The following GXYLT1 variants were observed in gnomAD, a reference collection of about 807,000 sequenced individuals.
The protein encoded by GXYLT1 is glycosyltransferase 8 domain containing 3.
Under a neutral mutation model 54.0 loss-of-function variants are expected in GXYLT1, and 29 were observed. That is an observed-to-expected ratio of 0.54 (90% confidence interval 0.40 to 0.73). The LOEUF (loss-of-function observed/expected upper bound fraction) is 0.73. Ranked by LOEUF, GXYLT1 falls within the 30% of genes least tolerant of loss-of-function variation. The probability of loss-of-function intolerance (pLI) is 0.00; values close to 1 mark genes in which losing one functional copy is unlikely to be tolerated. For missense variants in GXYLT1, 490 were observed against 553.4 expected, an observed-to-expected ratio of 0.89 and a Z score of 1.15; for synonymous variants, 176 against 204.1, an observed-to-expected ratio of 0.86 and a Z score of 1.17.
intron 3 of GXYLT1, among the ~76,000 whole-genome samples, chr12:42,115,379 A>G (rs1592114970): frequency 6.6e-6 from 1 of 152,100 alleles, no homozygotes; most frequent in African/African-American, 2.4e-5. Flanking sequence ...TATCTAGAAA[A>G]CCCCATCATT....
At chr12:42,116,076 T>C (rs957659441) in intron 3 of GXYLT1, among the ~76,000 whole-genome samples, 2 of 152,014 alleles carry the variant, frequency 1.3e-5, no homozygotes, top group African/African-American at 4.8e-5. Flanking sequence ...TGGCTAGCCA[T>C]ACGTAGAAAG....
At chr12:42,097,269 T>C (rs532410734) in intron 7 of GXYLT1, among the ~76,000 whole-genome samples, 173 bp downstream of exon 7, 36 of 151,984 alleles carry the variant, frequency 2.4e-4, no homozygotes, top group African/African-American at 8.2e-4. Flanking sequence ...TACATTGTTT[T>C]CAGGAAAAAA....
chr12:42,118,927 T>C (rs2065512953), intron 3 of GXYLT1, 73 bp downstream of exon 3: 1 of 1,142,214 alleles, frequency 8.8e-7, no homozygotes, highest in South Asian at 1.6e-5. Flanking sequence ...AACAGACTAT[T>C]ACAACAACAT....
Position 42,086,832 on chromosome 12 carries a change from C to T in GXYLT1, c.*954G>A, listed in dbSNP as rs1471932952. The T allele has an allele frequency of 6.6e-6, 1 of 152,034 alleles. No individual in the cohort carries two copies. Among genetic ancestry groups the T allele is most frequent in the Non-Finnish European group, 1.5e-5 (1 of 67,980 alleles). 9.4% of individuals were successfully genotyped at this position (152,034 alleles called of 1,614,324 possible). A position where few individuals can be genotyped will look rare whatever the true frequency, so the allele number is the denominator to read the frequency against. ...GAGGTAGAAGACAAGTTTAAATGGA[C>T]CATATTTTTCTACTCCATTGTAACT... On this transcript the variant is annotated 3_prime_UTR_variant, in exon 8 of 8. Coordinates refer to ENST00000398675, the MANE Select transcript of GXYLT1 (RefSeq NM_173601.2).
At chr12:42,094,884 A>T (rs2065347261) in intron 7 of GXYLT1, among the ~76,000 whole-genome samples, 1 of 152,198 alleles carries the variant, frequency 6.6e-6, no homozygotes, top group Non-Finnish European at 1.5e-5. Context: ...ACAATTCTGC[A>T]AACATGCTAA....
chr12:42,109,398 G>A (rs2065438622), intron 4 of GXYLT1, among the ~76,000 whole-genome samples, 168 bp downstream of exon 4: 1 of 151,806 alleles, frequency 6.6e-6, no homozygotes, highest in Non-Finnish European at 1.5e-5. Flanking sequence ...TTGTTCCACA[G>A]GAATATTTTT....
Position 42,104,542 on chromosome 12 carries a change from C to A in GXYLT1, c.864+1276G>T, listed in dbSNP as rs530702246. On this transcript the variant is annotated intron_variant, in intron 5 of 7. Transcript: ENST00000398675. ...TTTAAATCAGAATTTTAAAAAGATT[C>A]AGAAAAGGGAAAGCTAAAAAAAAAA... 1.2e-3 allele frequency among the ~76,000 whole-genome samples: 147 copies of A among 125,164 alleles called. 1 individual carries two copies. Among genetic ancestry groups the A allele is most frequent in the Non-Finnish European group, 1.9e-3 (115 of 61,042 alleles). The allele number at this position is 125,164 out of a possible 152,430, so 82.1% of individuals were successfully genotyped here. A position where few individuals can be genotyped will look rare whatever the true frequency, so the allele number is the denominator to read the frequency against.
chr12:42,135,821 T>C (rs982866100), intron 1 of GXYLT1, among the ~76,000 whole-genome samples: 6 of 152,206 alleles, frequency 3.9e-5, no homozygotes, highest in African/African-American at 1.4e-4. Context: ...GAGTTACTGT[T>C]ACTGGATACA....
At position 42,144,667 on chromosome 12, in the gene GXYLT1, T is replaced by C. The variant is rs539272285; in HGVS notation, c.-21A>G. ...CGCATCGCCCCGGCCGCGCTCCTCCTTCGCCGCCGCCGCCGCGCCCGCCCC... is the reference window on the plus strand; with the variant it reads ...CGCATCGCCCCGGCCGCGCTCCTCCCTCGCCGCCGCCGCCGCGCCCGCCCC... On this transcript the variant is annotated 5_prime_UTR_variant, in exon 1 of 8. Transcript: ENST00000398675. 29 of 1,187,354 alleles carry C rather than the reference T, an allele frequency of 2.4e-5. No individual in the cohort carries two copies. In the African/African-American group the frequency reaches 4.1e-4, roughly 17 times the overall value. 73.6% of individuals were successfully genotyped at this position (1,187,354 alleles called of 1,614,324 possible).
Position 42,097,602 on chromosome 12 carries a change from A to C in GXYLT1, c.1001T>G (p.Val334Gly). The C allele has an allele frequency of 6.2e-7, 1 of 1,607,274 alleles. No individual in the cohort carries two copies. The highest frequency in any genetic ancestry group is 8.5e-7 in the Non-Finnish European group (1 of 1,178,240). The change falls in exon 7 of 8, where the codon GTT (valine) becomes GGT (glycine). Residue 334 changes from valine to glycine, a missense_variant. Physicochemically the swap from Val to Gly is moderately radical, Grantham distance 109 (BLOSUM62 -3). Transcript: ENST00000398675. ...VFFHNPESLF[V>G]FPCQWNYRPD... is the part of the protein sequence containing the mutation. ...TCGATAATTCCATTGACACGGAAAAACAAAAAGGCTTTCTACATAAAGAAA... is the reference window on the plus strand; with the variant it reads ...TCGATAATTCCATTGACACGGAAAACCAAAAAGGCTTTCTACATAAAGAAA...
Position 42,085,172 on chromosome 12 carries a change from C to G in GXYLT1, c.*2614G>C, listed in dbSNP as rs1003937646. On this transcript the variant is annotated 3_prime_UTR_variant, in exon 8 of 8. Transcript: ENST00000398675. ...AATTATTATACATATTTTGTGATAC[C>G]TTTAATTTTAGGTAGAAACAGTACC... The G allele has an allele frequency of 8.9e-6, 1 of 111,950 alleles. No individual in the cohort carries two copies. The highest frequency in any genetic ancestry group is 3.3e-5 in the African/African-American group (1 of 30,240). The allele number at this position is 111,950 out of a possible 1,614,324, so 6.9% of individuals were successfully genotyped here.
At chr12:42,131,059 T>C (rs1434823804) in intron 1 of GXYLT1, among the ~76,000 whole-genome samples, 1 of 152,188 alleles carries the variant, frequency 6.6e-6, no homozygotes, top group Non-Finnish European at 1.5e-5. Context: ...CTCAGTTCCA[T>C]ATTATACAAG....
intron 3 of GXYLT1, among the ~76,000 whole-genome samples, chr12:42,111,993 C>T (rs773851582): frequency 6.6e-6 from 1 of 152,216 alleles, no homozygotes; most frequent in Non-Finnish European, 1.5e-5. Flanking sequence ...ATCTGCTGTT[C>T]TGCAGCCACT....
intron 6 of GXYLT1, 77 bp downstream of exon 6, chr12:42,097,833 T>A (rs1343947077): frequency 8.8e-7 from 1 of 1,138,898 alleles, no homozygotes; most frequent in African/African-American, 1.6e-5. Flanking sequence ...CAGAATCAGA[T>A]AAGTGCATGT....
At chr12:42,123,258 T>A (rs984092285) in intron 2 of GXYLT1, among the ~76,000 whole-genome samples, 1 of 152,164 alleles carries the variant, frequency 6.6e-6, no homozygotes, top group Non-Finnish European at 1.5e-5. Flanking sequence ...GTTAAATAAC[T>A]TAAAGTGACA....
intron 5 of GXYLT1, 26 bp from the exon 6 acceptor site, chr12:42,098,059 C>T: frequency 1.2e-6 from 2 of 1,603,422 alleles, no homozygotes; most frequent in Non-Finnish European, 1.7e-6. Flanking sequence ...TTCAAAAGAG[C>T]TTCAGACTTT....
intron 1 of GXYLT1, among the ~76,000 whole-genome samples, chr12:42,130,551 A>T (rs2065588096): frequency 6.6e-6 from 1 of 152,204 alleles, no homozygotes. Context: ...TCACTATAAA[A>T]AAAAACAGTA....
chr12:42,116,161 T>A (rs2065493444), intron 3 of GXYLT1, among the ~76,000 whole-genome samples: 1 of 151,850 alleles, frequency 6.6e-6, no homozygotes, highest in East Asian at 1.9e-4. Flanking sequence ...ATGTTAGACC[T>A]AAAACCATAA....
At chr12:42,093,676 A>C (rs1193679284) in intron 7 of GXYLT1, among the ~76,000 whole-genome samples, 1 of 151,962 alleles carries the variant, frequency 6.6e-6, no homozygotes, top group Non-Finnish European at 1.5e-5. Context: ...ACAGCCTTTT[A>C]ATTTATTTTA....
Sources: allele counts gnomAD v4.1 joint callset (sites outside exome capture counted in the v4.1 genomes callset), GRCh38; gene constraint gnomAD v4.1.1; transcripts MANE v1.5; gene names NCBI Gene and HGNC (gene_info 2026-07-23, HGNC 2026-07-21).